MEI4: variants seen among roughly 807,000 people sequenced by gnomAD.
The protein encoded by MEI4 is meiosis-specific protein MEI4.
A neutral mutation model predicts 31.4 loss-of-function variants in MEI4; 27 were observed. The ratio of observed to expected loss-of-function variants is 0.86; its 90% CI spans 0.63 to 1.19. The LOEUF (loss-of-function observed/expected upper bound fraction) is 1.19, where lower values mean the gene tolerates loss of function less well. Among genes scored for constraint, MEI4 ranks in the 50% most tolerant of loss-of-function variants. The pLI, the probability that MEI4 is intolerant of heterozygous loss-of-function variation, is 0.00. For missense variants in MEI4, 329 were observed against 398.9 expected, an observed-to-expected ratio of 0.82 and a Z score of 1.49; for synonymous variants, 122 against 145.4, an observed-to-expected ratio of 0.84 and a Z score of 1.16.
intron 2 of MEI4, among the ~76,000 whole-genome samples, chr6:77,726,342 C>T (rs894137235): frequency 2.6e-5 from 4 of 151,636 alleles, no homozygotes; most frequent in Non-Finnish European, 4.4e-5. Flanking sequence ...CAGTAACAAT[C>T]TGATCTCTCT....
At chr6:77,788,158 A>T (rs899566256) in intron 3 of MEI4, among the ~76,000 whole-genome samples, 1 of 152,228 alleles carries the variant, frequency 6.6e-6, no homozygotes, top group Non-Finnish European at 1.5e-5. Context: ...AAACCACATG[A>T]TTATCTCAAT....
intron 2 of MEI4, among the ~76,000 whole-genome samples, chr6:77,727,104 A>T (rs1200625849): frequency 6.6e-6 from 1 of 152,160 alleles, no homozygotes; most frequent in Non-Finnish European, 1.5e-5. Context: ...CTCCACAAAA[A>T]CGGGAGAGGG....
Position 77,776,183 on chromosome 6 carries a change from TTG to T in MEI4, c.768+14520_768+14521del, listed in dbSNP as rs1186619052. 1.3e-3 allele frequency among the ~76,000 whole-genome samples: 205 copies of T among 151,880 alleles called. 1 individual carries two copies. The highest frequency in any genetic ancestry group is 4.3e-3 in the African/African-American group (180 of 41,442). ...TTTTTTTTTGTTTTTGTTTTTGTTT[TTG>T]TTTTTTTGCTGTGTAGAAGCAAAGA... On this transcript the variant is annotated intron_variant, in intron 3 of 4. Coordinates refer to ENST00000684080, the MANE Select transcript of MEI4 (RefSeq NM_001322247.2).
intron 4 of MEI4, among the ~76,000 whole-genome samples, chr6:77,883,277 T>C (rs1246139487): frequency 6.6e-6 from 1 of 152,166 alleles, no homozygotes; most frequent in Admixed American, 6.6e-5. Context: ...ATGCCTCATC[T>C]CAAACATTTA....
At chr6:77,884,430 T>C (rs1411462169) in intron 4 of MEI4, among the ~76,000 whole-genome samples, 1 of 152,222 alleles carries the variant, frequency 6.6e-6, no homozygotes, top group African/African-American at 2.4e-5. Context: ...AATCCTTGTC[T>C]ACACCAACAT....
intron 4 of MEI4, among the ~76,000 whole-genome samples, chr6:77,873,544 T>G (rs1771251654): frequency 6.6e-6 from 1 of 152,088 alleles, no homozygotes. Flanking sequence ...TTTTCTCCCA[T>G]TCTGTAGGCT....
chr6:77,792,731 T>A (rs961097399), intron 3 of MEI4, among the ~76,000 whole-genome samples: 5 of 151,718 alleles, frequency 3.3e-5, no homozygotes, highest in African/African-American at 4.8e-5. Context: ...TTTTTTTTTT[T>A]AGACGGAGTC....
intron 3 of MEI4, among the ~76,000 whole-genome samples, chr6:77,822,323 T>C (rs1769845399): frequency 6.6e-6 from 1 of 152,176 alleles, no homozygotes; most frequent in African/African-American, 2.4e-5. Flanking sequence ...CATATTAACC[T>C]ATAGATCCCT....
chr6:77,735,770 T>C (rs2127670383), intron 2 of MEI4, among the ~76,000 whole-genome samples: 1 of 152,210 alleles, frequency 6.6e-6, no homozygotes, highest in African/African-American at 2.4e-5. Context: ...TGGTTTTATC[T>C]ATTTTTGGTC....
chr6:77,828,509 C>G (rs72898587), intron 3 of MEI4, among the ~76,000 whole-genome samples: 4,363 of 152,108 alleles, frequency 0.029, 116 homozygotes, highest in Non-Finnish European at 0.045. Flanking sequence ...ACCCTGCCCC[C>G]CTTCCATGGA....
At chr6:77,852,737 C>T (rs1770658177) in intron 4 of MEI4, among the ~76,000 whole-genome samples, 1 of 151,934 alleles carries the variant, frequency 6.6e-6, no homozygotes, top group South Asian at 2.1e-4. Context: ...TATAATGGCA[C>T]TAATCACATT....
At chr6:77,749,773 A>G (rs1274617793) in intron 2 of MEI4, among the ~76,000 whole-genome samples, 2 of 152,220 alleles carry the variant, frequency 1.3e-5, no homozygotes, top group Non-Finnish European at 2.9e-5. Flanking sequence ...AGAGAACACC[A>G]CAAAGATACT....
At chr6:77,688,235 AAC>A (rs1317673899) in intron 1 of MEI4, among the ~76,000 whole-genome samples, 3 of 152,148 alleles carry the variant, frequency 2.0e-5, no homozygotes, top group Non-Finnish European at 2.9e-5. Flanking sequence ...TACATTTATA[AAC>A]ACACACATTT....
At chr6:77,737,093 A>G (rs941677220) in intron 2 of MEI4, among the ~76,000 whole-genome samples, 1 of 152,206 alleles carries the variant, frequency 6.6e-6, no homozygotes, top group Non-Finnish European at 1.5e-5. Context: ...CCAGTGGAAA[A>G]CATGCTGCAT....
intron 2 of MEI4, among the ~76,000 whole-genome samples, chr6:77,729,294 C>G (rs1165638840): frequency 6.6e-6 from 1 of 152,188 alleles, no homozygotes; most frequent in African/African-American, 2.4e-5. Flanking sequence ...TTATATCCTA[C>G]TGCTCAAGGT....
At chr6:77,745,166 C>A (rs113436404) in intron 2 of MEI4, among the ~76,000 whole-genome samples, 1 of 152,154 alleles carries the variant, frequency 6.6e-6, no homozygotes, top group Non-Finnish European at 1.5e-5. Flanking sequence ...TTAAAAGACA[C>A]AGACTGGCAA....
At chr6:77,696,998 A>G (rs1258477822) in intron 2 of MEI4, among the ~76,000 whole-genome samples, 4 of 151,812 alleles carry the variant, frequency 2.6e-5, no homozygotes, top group Admixed American at 6.6e-5. Flanking sequence ...GTCTTGGGAG[A>G]GTGTATGTGT....
At chr6:77,921,360 T>C (rs1411517155) in intron 4 of MEI4, among the ~76,000 whole-genome samples, 1 of 151,808 alleles carries the variant, frequency 6.6e-6, no homozygotes, top group Non-Finnish European at 1.5e-5. Context: ...TTCATAAAAT[T>C]GAAGAGTTAG....
At position 77,803,175 on chromosome 6, in the gene MEI4, T is replaced by C. The variant is rs181355185; in HGVS notation, c.769-25756T>C. Among the ~76,000 whole-genome samples, 342 of 152,336 alleles carry C rather than the reference T, an allele frequency of 2.2e-3. 1 individual carries two copies. Among genetic ancestry groups the C allele is most frequent in the Middle Eastern group, 0.017 (5 of 294 alleles). ...TATTGGAGGCTTTGTTCATTTCTTTTTATACTTTTTTCTCTAAACTTCTCT... is the reference window on the plus strand; with the variant it reads ...TATTGGAGGCTTTGTTCATTTCTTTCTATACTTTTTTCTCTAAACTTCTCT... On this transcript the variant is annotated intron_variant, in intron 3 of 4. Transcript: ENST00000684080.
Sources: allele counts gnomAD v4.1 joint callset (sites outside exome capture counted in the v4.1 genomes callset), GRCh38; gene constraint gnomAD v4.1.1; transcripts MANE v1.5; gene names NCBI Gene and HGNC (gene_info 2026-07-23, HGNC 2026-07-21).